The following GOLM2 variants were observed in gnomAD, a reference collection of about 807,000 sequenced individuals.
GOLM2 encodes protein GOLM2.
GOLM2 carries 26 observed loss-of-function variants against 55.9 expected under a neutral mutation model. The ratio of observed to expected loss-of-function variants is 0.47; its 90% CI spans 0.34 to 0.65. The LOEUF (loss-of-function observed/expected upper bound fraction) is 0.65, where lower values mean the gene tolerates loss of function less well. Ranked by LOEUF, GOLM2 falls within the 30% of genes least tolerant of loss-of-function variation. The pLI, the probability that GOLM2 is intolerant of heterozygous loss-of-function variation, is 0.01. For synonymous variants in GOLM2, 165 were observed against 194.6 expected, an observed-to-expected ratio of 0.85 and a Z score of 1.27; for missense variants, 486 against 531.8, an observed-to-expected ratio of 0.91 and a Z score of 0.85.
At chr15:44,359,960 T>C (rs1356300368) in intron 6 of GOLM2, among the ~76,000 whole-genome samples, 2 of 150,574 alleles carry the variant, frequency 1.3e-5, no homozygotes, top group Non-Finnish European at 3.0e-5. Flanking sequence ...CTAAGCTTCA[T>C]AAGTGAAGGA....
chr15:44,367,996 T>A (rs1349900079), intron 6 of GOLM2, among the ~76,000 whole-genome samples: 2 of 152,156 alleles, frequency 1.3e-5, no homozygotes, highest in African/African-American at 4.8e-5. Flanking sequence ...CTTAGGGTTC[T>A]CTGAGGTTCT....
intron 6 of GOLM2, among the ~76,000 whole-genome samples, chr15:44,377,019 T>C (rs2079369197): frequency 1.3e-5 from 2 of 152,190 alleles, no homozygotes. Flanking sequence ...CACTGCTTTT[T>C]CTTATGTCAG....
rs1361098741 is a variant in GOLM2 at position 44,383,244 on chromosome 15, C to T, written c.1072+2268C>T. Reference sequence around the variant, plus strand: ...TTTCGTATTTTCTCATTGTAGCTGTCATGATTGTTACTATCATTTTTTTTC... The same window carrying T: ...TTTCGTATTTTCTCATTGTAGCTGTTATGATTGTTACTATCATTTTTTTTC... On this transcript the variant is annotated intron_variant, in intron 8 of 9. Transcript: ENST00000299957. 2.0e-5 allele frequency among the ~76,000 whole-genome samples: 3 copies of T among 151,914 alleles called. No individual in the cohort carries two copies. The East Asian group carries it at 5.8e-4, about 29-fold the overall frequency.
intron 1 of GOLM2, among the ~76,000 whole-genome samples, chr15:44,290,819 G>A (rs1178853530): frequency 6.6e-6 from 1 of 151,846 alleles, no homozygotes; most frequent in African/African-American, 2.4e-5. Flanking sequence ...GTTGTTTTTT[G>A]AGACGGAGTT....
At chr15:44,332,678 A>T (rs1000226664) in intron 4 of GOLM2, among the ~76,000 whole-genome samples, 4 of 152,202 alleles carry the variant, frequency 2.6e-5, no homozygotes, top group Admixed American at 6.5e-5. Context: ...ACTGAAAATC[A>T]ACTACTTCCT....
rs2079113582 is a variant in GOLM2 at position 44,344,900 on chromosome 15, C to T, written c.802+6583C>T. Among the ~76,000 whole-genome samples, 3 of 150,576 alleles carry T rather than the reference C, an allele frequency of 2.0e-5. No individual in the cohort carries two copies. The South Asian group carries it at 6.3e-4, about 32-fold the overall frequency. On this transcript the variant is annotated intron_variant, in intron 6 of 9. Coordinates refer to ENST00000299957, the MANE Select transcript of GOLM2 (RefSeq NM_138423.4). ...TCGCGCCATTCTCTTGCCTCAGCCT[C>T]CTGAGTAGCTGGGACTACAGGCACC... is the stretch of plus-strand genomic sequence containing the variant.
chr15:44,384,304 G>A (rs1762666858), intron 8 of GOLM2, among the ~76,000 whole-genome samples: 1 of 151,978 alleles, frequency 6.6e-6, no homozygotes, highest in African/African-American at 2.4e-5. Flanking sequence ...CACCAATTCT[G>A]GATATTTCAT....
chr15:44,315,479 G>A (rs1049942241), intron 1 of GOLM2, among the ~76,000 whole-genome samples: 9 of 152,106 alleles, frequency 5.9e-5, no homozygotes, highest in Non-Finnish European at 1.2e-4. Flanking sequence ...GTAGGATGGG[G>A]AAACATGAAA....
intron 6 of GOLM2, among the ~76,000 whole-genome samples, chr15:44,347,315 A>G (rs1445398860): frequency 1.3e-5 from 2 of 152,232 alleles, no homozygotes; most frequent in African/African-American, 4.8e-5. Flanking sequence ...TAAAAGGGGC[A>G]TGGAAGGAGT....
intron 1 of GOLM2, among the ~76,000 whole-genome samples, chr15:44,317,863 G>A (rs910537252): frequency 8.6e-5 from 13 of 152,032 alleles, no homozygotes; most frequent in Non-Finnish European, 1.2e-4. Flanking sequence ...TAGTCACCCC[G>A]ATTAGAAATC....
At chr15:44,394,402 C>T (rs1156640200) in intron 8 of GOLM2, among the ~76,000 whole-genome samples, 1 of 152,176 alleles carries the variant, frequency 6.6e-6, no homozygotes, top group Admixed American at 6.5e-5. Flanking sequence ...ATAGGTTTGC[C>T]TTGGAAACGG....
intron 6 of GOLM2, among the ~76,000 whole-genome samples, chr15:44,365,163 A>G (rs1383353997): frequency 6.6e-6 from 1 of 152,204 alleles, no homozygotes; most frequent in Non-Finnish European, 1.5e-5. Flanking sequence ...GTGAGTGGAT[A>G]AACTGTGGTA....
chr15:44,302,955 T>C (rs2141111746), intron 1 of GOLM2, among the ~76,000 whole-genome samples: 1 of 152,110 alleles, frequency 6.6e-6, no homozygotes, highest in Non-Finnish European at 1.5e-5. Flanking sequence ...ATACAAAAAT[T>C]AGCCGGGCGT....
chr15:44,398,837 T>A (rs2079544646), intron 8 of GOLM2, among the ~76,000 whole-genome samples: 1 of 151,842 alleles, frequency 6.6e-6, no homozygotes, highest in Non-Finnish European at 1.5e-5. Context: ...CAGCTAATTT[T>A]TTGTATTTTT....
chr15:44,322,930 T>C (rs369197879), intron 1 of GOLM2, 35 bp from the exon 2 acceptor site: 2 of 1,456,262 alleles, frequency 1.4e-6, no homozygotes, highest in Non-Finnish European at 1.9e-6. Context: ...AAACTACATA[T>C]TTTTTAGTAA....
At chr15:44,358,676 C>T (rs1183771492) in intron 6 of GOLM2, among the ~76,000 whole-genome samples, 1 of 152,112 alleles carries the variant, frequency 6.6e-6, no homozygotes, top group East Asian at 1.9e-4. Context: ...TAGACATAGA[C>T]GTTATACCCT....
chr15:44,353,761 A>G (rs1032236049), intron 6 of GOLM2, among the ~76,000 whole-genome samples: 30 of 152,298 alleles, frequency 2.0e-4, no homozygotes, highest in African/African-American at 7.0e-4. Context: ...TAGAGAGTAG[A>G]ATAATGGTTA....
At chr15:44,307,712 C>G (rs2078848568) in intron 1 of GOLM2, 1 of 152,020 alleles carries the variant, frequency 6.6e-6, no homozygotes, top group Admixed American at 6.6e-5. Flanking sequence ...AAAAATAATC[C>G]ATAATGCATG....
At chr15:44,358,420 A>C (rs1028232726) in intron 6 of GOLM2, among the ~76,000 whole-genome samples, 3 of 152,202 alleles carry the variant, frequency 2.0e-5, no homozygotes, top group Non-Finnish European at 4.4e-5. Flanking sequence ...CACAATATTG[A>C]AGTCAAAAGT....
Sources: gnomAD v4.1 joint callset for allele counts (sites outside exome capture counted in the v4.1 genomes callset) on GRCh38, gnomAD v4.1.1 for gene constraint, MANE v1.5 for transcripts, NCBI Gene and HGNC (gene_info 2026-07-23, HGNC 2026-07-21) for gene names.